RIMBP2: variants seen among roughly 807,000 people sequenced by gnomAD.
RIMBP2 encodes the protein RIMS binding protein 2, also known as RIMS-binding protein 2.
A neutral mutation model predicts 118.6 loss-of-function variants in RIMBP2; 48 were observed. The ratio of observed to expected loss-of-function variants is 0.40; its 90% CI spans 0.32 to 0.51. The LOEUF (loss-of-function observed/expected upper bound fraction) is 0.51. Ranked by LOEUF, RIMBP2 falls within the 20% of genes least tolerant of loss-of-function variation. RIMBP2 has a pLI of 0.41. For synonymous variants in RIMBP2, 762 were observed against 742.9 expected (o/e 1.03, Z -0.42); for missense variants, 1,551 against 1,768.3 (o/e 0.88, Z 2.20).
At chr12:130,675,070 G>C (rs1374018550) in intron 1 of RIMBP2, among the ~76,000 whole-genome samples, 4 of 152,176 alleles carry the variant, frequency 2.6e-5, no homozygotes. Flanking sequence ...GTGTCAAAGA[G>C]AGCATCCTTG....
intron 4 of RIMBP2, among the ~76,000 whole-genome samples, chr12:130,482,596 C>A (rs1270329773): frequency 6.6e-6 from 1 of 152,248 alleles, no homozygotes. Context: ...ACTCACTCAA[C>A]AAATACTTAC....
At chr12:130,494,570 C>T (rs1042867537) in intron 4 of RIMBP2, among the ~76,000 whole-genome samples, 3 of 150,276 alleles carry the variant, frequency 2.0e-5, no homozygotes, top group Admixed American at 6.7e-5. Context: ...ACCCAGGAGG[C>T]AGAGTTTGCA....
chr12:130,441,692 C>A (rs569871139), intron 11 of RIMBP2, among the ~76,000 whole-genome samples, 156 bp downstream of exon 11: 2 of 152,316 alleles, frequency 1.3e-5, no homozygotes, highest in East Asian at 3.9e-4. Flanking sequence ...CACGCACACA[C>A]GTTCTGTGCT....
At chr12:130,684,140 G>C (rs2064938675) in intron 1 of RIMBP2, among the ~76,000 whole-genome samples, 1 of 152,132 alleles carries the variant, frequency 6.6e-6, no homozygotes, top group African/African-American at 2.4e-5. Context: ...TCTGAACCCA[G>C]ACACCCCTTT....
chr12:130,494,333 T>C (rs896594604), intron 4 of RIMBP2, among the ~76,000 whole-genome samples: 3 of 152,014 alleles, frequency 2.0e-5, no homozygotes, highest in Non-Finnish European at 4.4e-5. Flanking sequence ...GGTAAGATGG[T>C]GGATGCAAAC....
intron 4 of RIMBP2, among the ~76,000 whole-genome samples, chr12:130,498,332 T>C (rs2049392998): frequency 6.6e-6 from 1 of 152,252 alleles, no homozygotes; most frequent in Non-Finnish European, 1.5e-5. Context: ...GTGCACTTGC[T>C]CCGTTACTAA....
chr12:130,702,004 T>C (rs913749229), intron 1 of RIMBP2, among the ~76,000 whole-genome samples: 2 of 152,058 alleles, frequency 1.3e-5, no homozygotes, highest in Non-Finnish European at 2.9e-5. Flanking sequence ...GAGGCCCCCA[T>C]GTGGATGTTG....
chr12:130,706,071 T>G (rs951807005), intron 1 of RIMBP2, among the ~76,000 whole-genome samples: 1 of 152,250 alleles, frequency 6.6e-6, no homozygotes, highest in Non-Finnish European at 1.5e-5. Context: ...ATTCACATGC[T>G]AATGATTGGT....
At chr12:130,494,571 A>G (rs6486544) in intron 4 of RIMBP2, among the ~76,000 whole-genome samples, 149,390 of 151,346 alleles carry the variant, frequency 0.99, 73,760 homozygotes, top group East Asian at 1. Flanking sequence ...CCCAGGAGGC[A>G]GAGTTTGCAG....
intron 1 of RIMBP2, among the ~76,000 whole-genome samples, chr12:130,677,983 G>A (rs962933875): frequency 1.1e-4 from 17 of 152,176 alleles, no homozygotes; most frequent in East Asian, 1.9e-4. Context: ...TGCACCCACC[G>A]TGCTCAGCAC....
chr12:130,468,488 G>A (rs767222559), intron 6 of RIMBP2, among the ~76,000 whole-genome samples: 2 of 152,056 alleles, frequency 1.3e-5, no homozygotes, highest in East Asian at 1.9e-4. Context: ...GGGAAAGGCC[G>A]TTCCTTCCAC....
chr12:130,525,671 C>T lies in RIMBP2; in HGVS notation c.-216-7754G>A, dbSNP rs942182065. ...GGCATGAGGGCAGCAGAGAGAAGGA[C>T]GGGGCACTTGGGGATGAGATCGTAT... On this transcript the variant is annotated intron_variant, in intron 2 of 22. Coordinates refer to ENST00000690449, the MANE Select transcript of RIMBP2 (RefSeq NM_001393629.1). The surrounding 1 kb of genome is among the most constrained non-coding windows in gnomAD (Gnocchi z 4.4). 6.6e-5 allele frequency among the ~76,000 whole-genome samples: 10 copies of T among 152,068 alleles called. No individual in the cohort carries two copies. The highest frequency in any genetic ancestry group is 4.4e-5 in the Non-Finnish European group (3 of 68,016).
At chr12:130,603,096 C>T (rs368938529) in intron 2 of RIMBP2, among the ~76,000 whole-genome samples, 1 of 152,122 alleles carries the variant, frequency 6.6e-6, no homozygotes, top group African/African-American at 2.4e-5. Context: ...AATAAAAAGA[C>T]AAGCAAAAGA....
At chr12:130,453,433 G>A (rs1456250605) in intron 7 of RIMBP2, among the ~76,000 whole-genome samples, 1 of 152,240 alleles carries the variant, frequency 6.6e-6, no homozygotes, top group African/African-American at 2.4e-5. Context: ...AGGTCAGTGT[G>A]GGAAGATCTG....
intron 1 of RIMBP2, among the ~76,000 whole-genome samples, chr12:130,639,812 TA>T (rs1282478825): frequency 6.6e-6 from 1 of 152,152 alleles, no homozygotes; most frequent in Non-Finnish European, 1.5e-5. Flanking sequence ...GACAGATCAT[TA>T]ACAAGTGAAA....
chr12:130,462,382 C>T (rs1278154707), intron 6 of RIMBP2, among the ~76,000 whole-genome samples: 2 of 152,214 alleles, frequency 1.3e-5, no homozygotes, highest in Non-Finnish European at 2.9e-5. Context: ...GCCGCGCTGC[C>T]GCAAGCCTGG....
At chr12:130,601,158 C>A (rs981295560) in intron 2 of RIMBP2, among the ~76,000 whole-genome samples, 9 of 152,042 alleles carry the variant, frequency 5.9e-5, no homozygotes, top group African/African-American at 2.2e-4. Context: ...TGACAAGGCT[C>A]ATTCTCTGTG....
At chr12:130,430,504 A>T (rs911962493) in intron 14 of RIMBP2, 1 of 152,130 alleles carries the variant, frequency 6.6e-6, no homozygotes, top group South Asian at 2.1e-4. Context: ...TCCTCTTAAA[A>T]GCCTCTTTCC....
At chr12:130,512,064 G>T (rs760741815) in intron 3 of RIMBP2, among the ~76,000 whole-genome samples, 20 of 152,200 alleles carry the variant, frequency 1.3e-4, no homozygotes, top group Non-Finnish European at 2.5e-4. Context: ...ATCCCACCTG[G>T]ATAGAGGACT....
Sources: allele counts gnomAD v4.1 joint callset (sites outside exome capture counted in the v4.1 genomes callset), GRCh38; gene constraint gnomAD v4.1.1; non-coding constraint Gnocchi (gnomAD v3.1); transcripts MANE v1.5; gene names NCBI Gene and HGNC (gene_info 2026-07-23, HGNC 2026-07-21).